CNTRL: variants seen among roughly 807,000 people sequenced by gnomAD.
CNTRL encodes the protein 110 kDa centrosomal protein.
Under a neutral mutation model 303.7 loss-of-function variants are expected in CNTRL, and 233 were observed. The observed-to-expected ratio is 0.77, with a 90% CI of 0.69 to 0.86. The LOEUF (loss-of-function observed/expected upper bound fraction) is 0.86. Ranked by LOEUF, CNTRL falls within the 40% of genes least tolerant of loss-of-function variation. CNTRL has a pLI of 0.00. For synonymous variants in CNTRL, 900 were observed against 922.2 expected (o/e 0.98, Z 0.44); for missense variants, 2,524 against 2,650.6 (o/e 0.95, Z 1.05).
intron 12 of CNTRL, among the ~76,000 whole-genome samples, chr9:121,121,597 G>A (rs1267757019): frequency 6.6e-6 from 1 of 152,232 alleles, no homozygotes; most frequent in East Asian, 1.9e-4. Flanking sequence ...ATTGGGAAAT[G>A]TCCTATTGGA....
intron 2 of CNTRL, among the ~76,000 whole-genome samples, chr9:121,087,220 G>A (rs2048376813): frequency 6.6e-6 from 1 of 152,142 alleles, no homozygotes; most frequent in Non-Finnish European, 1.5e-5. Context: ...CAGGTTTTTG[G>A]CTTATTCCAG....
At chr9:121,119,021 T>A (rs946697393) in intron 12 of CNTRL, among the ~76,000 whole-genome samples, 2 of 151,968 alleles carry the variant, frequency 1.3e-5, no homozygotes, top group Non-Finnish European at 2.9e-5. Context: ...AAACTGTACA[T>A]ATATGTGTGT....
At chr9:121,160,947 T>C (rs2052816501) in intron 32 of CNTRL, among the ~76,000 whole-genome samples, 1 of 152,198 alleles carries the variant, frequency 6.6e-6, no homozygotes, top group African/African-American at 2.4e-5. Context: ...CCACTATGCT[T>C]CAGCCTGGGA....
At chr9:121,138,872 G>C (rs2051345186) in intron 16 of CNTRL, among the ~76,000 whole-genome samples, 193 bp downstream of exon 16, 1 of 152,132 alleles carries the variant, frequency 6.6e-6, no homozygotes, top group East Asian at 1.9e-4. Flanking sequence ...TATTATTTGT[G>C]AATCTCCTTT....
At chr9:121,095,791 C>T (rs2048866476) in intron 5 of CNTRL, among the ~76,000 whole-genome samples, 1 of 151,868 alleles carries the variant, frequency 6.6e-6, no homozygotes, top group Non-Finnish European at 1.5e-5. Flanking sequence ...AAATATTTAC[C>T]CAGTGTAGAT....
Position 121,124,015 on chromosome 9 carries a change from G to A in CNTRL, c.1735G>A (p.Asp579Asn). The part of the protein sequence containing the change: ...KQYQQLESRL[D>N]EILSRIAKET... ...GTACCAACAACTTGAAAGTCGTTTG[G>A]ATGAGATACTTTCTAGAATTGCTAA... Residue 579 changes from aspartate to asparagine, a missense_variant, in exon 13 of 44, where the codon GAT (aspartate) becomes AAT (asparagine). Asp to Asn is a conservative substitution (Grantham distance 23). Coordinates refer to ENST00000373855, the MANE Select transcript of CNTRL (RefSeq NM_007018.6). The A allele has an allele frequency of 6.2e-7, 1 of 1,613,096 alleles. No homozygotes were observed.
chr9:121,099,697 CA>C lies in CNTRL; in HGVS notation c.808+1126del, dbSNP rs549971751. 5.5e-3 allele frequency among the ~76,000 whole-genome samples: 834 copies of C among 152,258 alleles called. 10 individuals are homozygous for C. The highest frequency in any genetic ancestry group is 0.019 in the African/African-American group (794 of 41,546). On this transcript the variant is annotated intron_variant, in intron 7 of 43. Transcript: ENST00000373855. ...ACGAATGTCTAACTAGAATAAACAG[CA>C]TAGAGAAGACCTTAAATGACCTGAC... is the stretch of plus-strand genomic sequence containing the variant.
At chr9:121,131,165 A>G (rs1331608733) in intron 14 of CNTRL, among the ~76,000 whole-genome samples, 1 of 152,202 alleles carries the variant, frequency 6.6e-6, no homozygotes, top group Non-Finnish European at 1.5e-5. Flanking sequence ...TGCAGAGCTG[A>G]GTTCAATTCC....
intron 13 of CNTRL, among the ~76,000 whole-genome samples, chr9:121,124,473 AAACTGCGACATATCCATAATAGTGG>A (rs2050394607): frequency 6.6e-6 from 1 of 152,230 alleles, no homozygotes; most frequent in African/African-American, 2.4e-5. Flanking sequence ...ATGCTGATTT[AAACTGCGACATATCCATAATAGTGG>A]AAAAGGAAGA....
rs202154230 is a variant in CNTRL, at chr9:121,160,160, G to A, written c.4947G>A (p.Leu1649=). 8 of 1,489,170 alleles carry A rather than the reference G, an allele frequency of 5.4e-6. No homozygotes were observed. In the African/African-American group the frequency reaches 8.7e-5, roughly 16 times the overall value. The allele number at this position is 1,489,170 out of a possible 1,614,324, so 92.2% of individuals were successfully genotyped here. Residue 1649 remains leucine (L), a synonymous_variant, in exon 32 of 44, where the codon CTG becomes CTA. Coordinates refer to ENST00000373855, the MANE Select transcript of CNTRL (RefSeq NM_007018.6). ...CNHIREVKSL[L]EELSFQKGEL... ...AAACACAGGAAGTAAAATCTCTTCT[G>A]GAAGAACTGAGTTTTCAGAAAGGAG...
rs766375457 is a variant in CNTRL at position 121,095,010 on chromosome 9, C to T, written c.471C>T (p.Asn157=). The T allele has an allele frequency of 2.0e-5, 32 of 1,598,186 alleles. 2 individuals carry two copies. In the South Asian group the frequency reaches 2.9e-4, roughly 15 times the overall value. Residue 157 remains asparagine (N), a synonymous_variant, in exon 5 of 44, where the codon AAC becomes AAT. Transcript: ENST00000373855. ...TACGTGAACTCAACTTATCATATAA[C>T]AAAATCAGGTGAGTTATATAACAAA... ...LKLRELNLSY[N]KISKIEGIEN... is the part of the protein sequence containing the mutation.
intron 4 of CNTRL, 134 bp downstream of exon 4, chr9:121,090,539 C>T: frequency 1.3e-6 from 1 of 784,172 alleles, no homozygotes; most frequent in Non-Finnish European, 2.0e-6. Flanking sequence ...TGTTCTAAAT[C>T]AGAAGTATAT....
At chr9:121,169,411 A>G (rs1317281187) in intron 38 of CNTRL, among the ~76,000 whole-genome samples, 200 bp from the exon 39 acceptor site, 1 of 152,148 alleles carries the variant, frequency 6.6e-6, no homozygotes, top group Non-Finnish European at 1.5e-5. Context: ...CCAGGAACCA[A>G]TTACTTCAAA....
Position 121,123,964 on chromosome 9 carries a change from C to T in CNTRL, c.1684C>T (p.Gln562Ter). The change falls in exon 13 of 44, where the codon CAA becomes TAA. Residue 562 changes from glutamine to a stop codon, truncating the protein, a stop_gained. Transcript: ENST00000373855. LOFTEE classifies it high-confidence loss of function. ...GAAGGCTCAAAAGAGCGGTAAAGAA[C>T]AACAGCTTGACATTATGAACAAGCA... ...HMKAQKSGKE[Q>*]QLDIMNKQYQ... is the part of the protein sequence containing the mutation. The T allele has an allele frequency of 1.2e-6, 2 of 1,607,572 alleles. No homozygotes were observed. Among genetic ancestry groups the T allele is most frequent in the Non-Finnish European group, 1.7e-6 (2 of 1,177,624 alleles).
intron 7 of CNTRL, among the ~76,000 whole-genome samples, chr9:121,105,797 G>T (rs1210979003): frequency 1.3e-5 from 2 of 152,202 alleles, no homozygotes; most frequent in Non-Finnish European, 2.9e-5. Flanking sequence ...AGTAGTTAAG[G>T]AATAGTGGGG....
intron 36 of CNTRL, 144 bp from the exon 37 acceptor site, chr9:121,167,345 G>A (rs1179147480): frequency 1.5e-6 from 1 of 663,622 alleles, no homozygotes; most frequent in Non-Finnish European, 2.5e-6. Context: ...AAATTCTCTT[G>A]TACCTGTAAG....
chr9:121,112,521 A>G lies in CNTRL; in HGVS notation c.1065A>G (p.Glu355=), dbSNP rs767514519. The part of the protein sequence containing the change: ...ACQKQYELEQ[E]LAFYKIDAKF... ...AGAAGCAATATGAGCTGGAACAGGA[A>G]TTGGCCTTTTATAAAATTGATGCTA... The change falls in exon 9 of 44, where the codon GAA becomes GAG. Residue 355 remains glutamate, a synonymous_variant. Coordinates refer to ENST00000373855, the MANE Select transcript of CNTRL (RefSeq NM_007018.6). 6.2e-7 allele frequency: 1 copy of G among 1,612,648 alleles called. No individual in the cohort carries two copies. Among genetic ancestry groups the G allele is most frequent in the Non-Finnish European group, 8.5e-7 (1 of 1,178,772 alleles).
intron 24 of CNTRL, 38 bp from the exon 25 acceptor site, chr9:121,150,132 C>T: frequency 6.5e-7 from 1 of 1,534,494 alleles, no homozygotes; most frequent in Non-Finnish European, 8.8e-7. Context: ...GTAAAACACT[C>T]TTTTGTTGAA....
At chr9:121,089,215 T>G (rs925636335) in intron 3 of CNTRL, among the ~76,000 whole-genome samples, 7 of 152,258 alleles carry the variant, frequency 4.6e-5, no homozygotes, top group Admixed American at 3.9e-4. Context: ...ATTTCTAATT[T>G]GATTAATATT....
Sources: allele counts gnomAD v4.1 joint callset (sites outside exome capture counted in the v4.1 genomes callset), GRCh38; gene constraint gnomAD v4.1.1; transcripts MANE v1.5; gene names NCBI Gene and HGNC (gene_info 2026-07-23, HGNC 2026-07-21).